The following ATP5MF variants were observed in gnomAD, a reference collection of about 807,000 sequenced individuals.
The protein encoded by ATP5MF is ATP synthase membrane subunit f, also known as ATP synthase F(0) complex subunit f, mitochondrial.
In ATP5MF, 10 loss-of-function variants were observed where a neutral mutation model predicts 13.8. That is an observed-to-expected ratio of 0.72 (90% CI 0.45 to 1.23). The LOEUF (loss-of-function observed/expected upper bound fraction) is 1.23. Ranked by LOEUF, ATP5MF falls within the 50% of genes most tolerant of loss-of-function variation. The pLI is 0.00. For missense variants in ATP5MF, 122 were observed against 118.2 expected (o/e 1.03, Z -0.15); for synonymous variants, 40 against 45.8 (o/e 0.87, Z 0.51).
chr7:99,462,956 G>C (rs1336371922), intron 1 of ATP5MF, among the ~76,000 whole-genome samples: 1 of 152,218 alleles, frequency 6.6e-6, no homozygotes, highest in Non-Finnish European at 1.5e-5. Flanking sequence ...GCAGACCCTT[G>C]GGTCTAGTGC....
chr7:99,460,866 A>G (rs1036428100), intron 1 of ATP5MF, among the ~76,000 whole-genome samples: 2 of 152,216 alleles, frequency 1.3e-5, no homozygotes, highest in Admixed American at 1.3e-4. Context: ...GGCCAGCCCG[A>G]GCAAGTATAA....
At chr7:99,464,562 C>T (rs1798761071) in intron 1 of ATP5MF, among the ~76,000 whole-genome samples, 1 of 152,112 alleles carries the variant, frequency 6.6e-6, no homozygotes, top group Non-Finnish European at 1.5e-5. Flanking sequence ...ACTCAGGAGG[C>T]TGAGGCAGGA....
In ATP5MF at chr7:99,464,029, G is replaced by A. The variant is rs148949196; in HGVS notation, c.31+2082C>T. Among the ~76,000 whole-genome samples the A allele has an allele frequency of 1.5e-3, 232 of 152,248 alleles. 1 individual carries two copies. Among genetic ancestry groups the A allele is most frequent in the African/African-American group, 4.5e-3 (189 of 41,544 alleles). On this transcript the variant is annotated intron_variant, in intron 1 of 3. Coordinates refer to ENST00000292475, the MANE Select transcript of ATP5MF (RefSeq NM_004889.5). ...AGACATGGACTCCAATTTCTTCACCGGGGGTGATGCTGAATAGGCCAGGCA... is the reference window on the plus strand; with the variant it reads ...AGACATGGACTCCAATTTCTTCACCAGGGGTGATGCTGAATAGGCCAGGCA...
chr7:99,460,050 T>C (rs1372910882), intron 2 of ATP5MF, 36 bp downstream of exon 2: 1 of 1,572,138 alleles, frequency 6.4e-7, no homozygotes, highest in Non-Finnish European at 8.6e-7. Flanking sequence ...GACCCAGAGA[T>C]TTGCTTTCAT....
intron 2 of ATP5MF, 113 bp from the exon 3 acceptor site, chr7:99,459,376 AG>A: frequency 6.4e-6 from 5 of 786,654 alleles, no homozygotes; most frequent in Non-Finnish European, 1.1e-5. Flanking sequence ...TGGCTGTTTA[AG>A]CCCCTCGCCC....
In ATP5MF at chr7:99,460,069, A is replaced by G; in HGVS notation, c.139+17T>C. The stretch of plus-strand genomic sequence containing the variant: ...CAGAGATTTGCTTTCATTTACAGAC[A>G]TCCACAAGGCTCTGACCTCTTTGAA... On this transcript the variant is annotated intron_variant, in intron 2 of 3. Coordinates refer to ENST00000292475, the MANE Select transcript of ATP5MF (RefSeq NM_004889.5). 1.3e-6 allele frequency: 2 copies of G among 1,588,222 alleles called. No individual in the cohort carries two copies. Among genetic ancestry groups the G allele is most frequent in the Middle Eastern group, 1.7e-4 (1 of 5,926 alleles).
At chr7:99,460,588 G>A in intron 1 of ATP5MF, 1 of 496,288 alleles carries the variant, frequency 2.0e-6, no homozygotes, top group Non-Finnish European at 4.0e-6. Context: ...AAGGAGGGGA[G>A]GGGGGATAGA....
chr7:99,466,135 A>C lies in ATP5MF; in HGVS notation c.7T>G (p.Ser3Ala), dbSNP rs763821064. 1.2e-6 allele frequency: 2 copies of C among 1,614,126 alleles called. No homozygotes were observed. The highest frequency in any genetic ancestry group is 2.2e-5 in the South Asian group (2 of 91,086). The stretch of plus-strand genomic sequence containing the variant: ...CCTGGGGCCGGACACTCACCAACTG[A>C]CGCCATTTTGGAGTCCTGGTGTCCG... MA[S>A]VGECPAPVPV... is the part of the protein sequence containing the mutation. Residue 3 changes from serine to alanine, a missense_variant, in exon 1 of 4, where the codon TCA (serine) becomes GCA (alanine). Ser to Ala is a moderately conservative substitution (Grantham distance 99). Transcript: ENST00000292475.
chr7:99,463,392 G>A (rs1401996018), intron 1 of ATP5MF, among the ~76,000 whole-genome samples: 3 of 152,130 alleles, frequency 2.0e-5, no homozygotes, highest in Non-Finnish European at 4.4e-5. Flanking sequence ...AGTGGCTCAC[G>A]CCAGTAATCC....
intron 2 of ATP5MF, chr7:99,459,833 T>C: frequency 2.1e-6 from 1 of 473,108 alleles, no homozygotes; most frequent in Non-Finnish European, 3.7e-6. Context: ...TTAGGATTTC[T>C]CTAAGACAGA....
At chr7:99,460,520 T>C (rs1435844409) in intron 1 of ATP5MF, 1 of 566,562 alleles carries the variant, frequency 1.8e-6, no homozygotes, top group East Asian at 4.5e-5. Context: ...AGCTAACATT[T>C]ACTTGACATT....
At position 99,458,457 on chromosome 7, in the gene ATP5MF, T is replaced by C. The variant is rs1403703187; in HGVS notation, c.257-102A>G. 3 of 1,278,758 alleles carry C rather than the reference T, an allele frequency of 2.3e-6. No individual in the cohort carries two copies. The Admixed American group carries it at 6.6e-5, about 28-fold the overall frequency. 79.2% of individuals were successfully genotyped at this position (1,278,758 alleles called of 1,614,324 possible). A position where few individuals can be genotyped will look rare whatever the true frequency, so the allele number is the denominator to read the frequency against. ...GATCACACAAAGCCTTCCTGAGAAT[T>C]CCCTTCAGAGATGACCCATGACCCG... is the stretch of plus-strand genomic sequence containing the variant. On this transcript the variant is annotated intron_variant, in intron 3 of 3. Transcript: ENST00000292475.
At position 99,459,034 on chromosome 7, in the gene ATP5MF, C is replaced by CT. The variant is rs1162898115; in HGVS notation, c.256+112dup. The CT allele has an allele frequency of 1.1e-5, 8 of 744,228 alleles. No homozygotes were observed. The East Asian group carries it at 1.9e-4, about 17-fold the overall frequency. 46.1% of individuals were successfully genotyped at this position (744,228 alleles called of 1,614,324 possible). ...TTCTTTTAGGTGGAAACATAAGGAACTTTAACTAAAGGTCCCTCAGCCTCA... is the reference window on the plus strand; with the variant it reads ...TTCTTTTAGGTGGAAACATAAGGAACTTTTAACTAAAGGTCCCTCAGCCTCA... On this transcript the variant is annotated intron_variant, in intron 3 of 3. Transcript: ENST00000292475.
At chr7:99,461,877 C>T (rs1229759613) in intron 1 of ATP5MF, among the ~76,000 whole-genome samples, 7 of 150,760 alleles carry the variant, frequency 4.6e-5, no homozygotes, top group African/African-American at 2.4e-5. Flanking sequence ...AGGCTGGTCT[C>T]GAACTCCTGA....
intron 1 of ATP5MF, among the ~76,000 whole-genome samples, chr7:99,462,327 G>A (rs28627543): frequency 0.17 from 25,363 of 147,648 alleles, 3,578 homozygotes; most frequent in African/African-American, 0.39. Flanking sequence ...AATTAGCCAG[G>A]TGTGGTGGCG....
intron 3 of ATP5MF, 86 bp downstream of exon 3, chr7:99,459,061 A>G: frequency 2.0e-6 from 2 of 1,015,238 alleles, no homozygotes; most frequent in Non-Finnish European, 1.5e-6. Context: ...TCAGCCTCAG[A>G]AGAAGGTGGG....
At chr7:99,465,997 T>A (rs1798856750) in intron 1 of ATP5MF, 114 bp downstream of exon 1, 4 of 1,560,388 alleles carry the variant, frequency 2.6e-6, no homozygotes, top group Non-Finnish European at 3.5e-6. Flanking sequence ...AGTGAGGTCG[T>A]GGCGAAGTGC....
At chr7:99,465,975 TG>T in intron 1 of ATP5MF, 135 bp downstream of exon 1, 1 of 1,468,178 alleles carries the variant, frequency 6.8e-7, no homozygotes, top group Non-Finnish European at 9.2e-7. Flanking sequence ...GAGCGGGGTC[TG>T]GCGCGCCTCA....
chr7:99,466,020 C>T lies in ATP5MF; in HGVS notation c.31+91G>A, dbSNP rs1225353258. On this transcript the variant is annotated intron_variant, in intron 1 of 3. Transcript: ENST00000292475. Reference sequence around the variant, plus strand: ...CGTGGCGAAGTGCCTGAGCAAAGGGCAGGCAGCTCCGCAGCTTCCTTCTCT... The same window carrying T: ...CGTGGCGAAGTGCCTGAGCAAAGGGTAGGCAGCTCCGCAGCTTCCTTCTCT... 4 of 1,599,534 alleles carry T rather than the reference C, an allele frequency of 2.5e-6. No individual in the cohort carries two copies. In the East Asian group the frequency reaches 6.7e-5, roughly 27 times the overall value.
Sources: gnomAD v4.1 joint callset for allele counts (sites outside exome capture counted in the v4.1 genomes callset) on GRCh38, gnomAD v4.1.1 for gene constraint, MANE v1.5 for transcripts, NCBI Gene and HGNC (gene_info 2026-07-23, HGNC 2026-07-21) for gene names.